Variants in LSAMP observed in about 807,000 individuals in gnomAD.
LSAMP encodes the protein limbic system-associated membrane protein.
A neutral mutation model predicts 38.6 loss-of-function variants in LSAMP; 7 were observed. That is an observed-to-expected ratio of 0.18 (90% CI 0.10 to 0.34). The LOEUF is 0.34. LSAMP is among the 10% of genes least tolerant of loss of function. LSAMP has a pLI of 1.00. For missense variants in LSAMP, 313 were observed against 420.0 expected (o/e 0.75, Z 2.23); for synonymous variants, 154 against 166.8 (o/e 0.92, Z 0.59).
At chr3:116,268,228 G>C (rs1474779005) in intron 1 of LSAMP, among the ~76,000 whole-genome samples, 1 of 151,598 alleles carries the variant, frequency 6.6e-6, no homozygotes, top group Non-Finnish European at 1.5e-5. Context: ...TGTGTGTGTA[G>C]TAGGCAAGAT....
intron 1 of LSAMP, among the ~76,000 whole-genome samples, chr3:116,425,001 G>GAAA (rs775969635): frequency 7.6e-6 from 1 of 131,544 alleles, no homozygotes; most frequent in African/African-American, 2.8e-5. Flanking sequence ...GTTGAAGAAG[G>GAAA]AAAAAAAAAA....
chr3:116,197,787 G>T (rs901801281), intron 1 of LSAMP, among the ~76,000 whole-genome samples: 2 of 152,176 alleles, frequency 1.3e-5, no homozygotes, highest in African/African-American at 4.8e-5. Context: ...ACTGGTATGA[G>T]ATCCGATCCT....
rs1328756706 is a variant in LSAMP at position 115,804,751 on chromosome 3, A to G, written c.*5566T>C. ...ATATTGTAGGAATGATATATATGTCATCCTGTTACACGTGTCAGGCACTTC... is the reference window on the plus strand; with the variant it reads ...ATATTGTAGGAATGATATATATGTCGTCCTGTTACACGTGTCAGGCACTTC... On this transcript the variant is annotated 3_prime_UTR_variant, in exon 7 of 7. Transcript: ENST00000490035. 2 of 152,146 alleles carry G rather than the reference A, an allele frequency of 1.3e-5. No individual in the cohort carries two copies. Among genetic ancestry groups the G allele is most frequent in the Non-Finnish European group, 2.9e-5 (2 of 68,038 alleles). 9.4% of individuals were successfully genotyped at this position (152,146 alleles called of 1,614,324 possible). A position where few individuals can be genotyped will look rare whatever the true frequency, so the allele number is the denominator to read the frequency against.
At chr3:116,332,033 G>A (rs2047859758) in intron 1 of LSAMP, among the ~76,000 whole-genome samples, 1 of 151,934 alleles carries the variant, frequency 6.6e-6, no homozygotes, top group Admixed American at 6.6e-5. Flanking sequence ...TACAGATGGT[G>A]TCTCGGTAAG....
At chr3:116,314,671 T>G (rs2047604683) in intron 1 of LSAMP, among the ~76,000 whole-genome samples, 2 of 152,182 alleles carry the variant, frequency 1.3e-5, no homozygotes, top group African/African-American at 4.8e-5. Flanking sequence ...ATGTTTTACT[T>G]AGAGCTCCCC....
intron 1 of LSAMP, among the ~76,000 whole-genome samples, chr3:116,290,635 C>T (rs969245029): frequency 2.0e-5 from 3 of 151,742 alleles, no homozygotes; most frequent in East Asian, 1.9e-4. Flanking sequence ...GAGGCTGAGG[C>T]AGGAGAATCC....
At chr3:116,420,123 A>T (rs1263465390) in intron 1 of LSAMP, among the ~76,000 whole-genome samples, 9 of 151,376 alleles carry the variant, frequency 5.9e-5, no homozygotes, top group African/African-American at 1.9e-4. Context: ...TTCAAGAGAA[A>T]GTCTTGCTCT....
At chr3:115,896,327 AAAT>A (rs760260807) in intron 3 of LSAMP, among the ~76,000 whole-genome samples, 2 of 152,118 alleles carry the variant, frequency 1.3e-5, no homozygotes, top group Non-Finnish European at 2.9e-5. Flanking sequence ...TTAGCTGTTA[AAAT>A]AGTTTGCCAC....
intron 3 of LSAMP, among the ~76,000 whole-genome samples, chr3:115,978,888 C>A (rs1939270239): frequency 6.6e-6 from 1 of 151,892 alleles, no homozygotes; most frequent in Non-Finnish European, 1.5e-5. Context: ...GCAGTGATAG[C>A]CAACTTTAAT....
chr3:116,325,660 T>C (rs1380124314), intron 1 of LSAMP, among the ~76,000 whole-genome samples: 1 of 152,202 alleles, frequency 6.6e-6, no homozygotes, highest in Non-Finnish European at 1.5e-5. Context: ...CCTCAGTTTT[T>C]TCTGCCCTGA....
At chr3:116,303,042 TTTAA>T (rs1287453581) in intron 1 of LSAMP, among the ~76,000 whole-genome samples, 2 of 152,192 alleles carry the variant, frequency 1.3e-5, no homozygotes, top group African/African-American at 2.4e-5. Flanking sequence ...GTATTTTTAT[TTTAA>T]TTAATTTTTT....
rs1553712533 is a variant in LSAMP at position 116,197,163 on chromosome 3, ACT to A, written c.156-110609_156-110608del. Among the ~76,000 whole-genome samples the A allele has an allele frequency of 4.5e-4, 63 of 139,172 alleles. 1 individual carries two copies. The highest frequency in any genetic ancestry group is 9.5e-4 in the South Asian group (4 of 4,192). 91.3% of individuals were successfully genotyped at this position (139,172 alleles called of 152,430 possible). A position where few individuals can be genotyped will look rare whatever the true frequency, so the allele number is the denominator to read the frequency against. Reference sequence around the variant, plus strand: ...CACACACACACACACACACACACACACTCTCTCTCTCTCTCACTCACTTTGTC... The same window carrying A: ...CACACACACACACACACACACACACACTCTCTCTCTCTCACTCACTTTGTC... On this transcript the variant is annotated intron_variant, in intron 1 of 6. Coordinates refer to ENST00000490035, the MANE Select transcript of LSAMP (RefSeq NM_002338.5).
In LSAMP at chr3:116,258,958, C is replaced by A. The variant is rs559925191; in HGVS notation, c.156-172402G>T. Among the ~76,000 whole-genome samples, 16 of 152,198 alleles carry A rather than the reference C, an allele frequency of 1.1e-4. No individual in the cohort carries two copies. The East Asian group carries it at 2.5e-3, about 24-fold the overall frequency. On this transcript the variant is annotated intron_variant, in intron 1 of 6. Transcript: ENST00000490035. The stretch of plus-strand genomic sequence containing the variant: ...CATTAAAAATACGTTTTAAAGAGAA[C>A]CCCTACACATAAATGTACACATTCT...
chr3:116,113,747 C>T (rs1050328476), intron 1 of LSAMP, among the ~76,000 whole-genome samples: 3 of 152,124 alleles, frequency 2.0e-5, no homozygotes, highest in Non-Finnish European at 2.9e-5. Flanking sequence ...TTTTATGATA[C>T]TTGTTACACA....
chr3:116,146,117 T>A (rs893414604), intron 1 of LSAMP, among the ~76,000 whole-genome samples: 4 of 151,888 alleles, frequency 2.6e-5, no homozygotes, highest in Admixed American at 6.6e-5. Context: ...TAGCAAAAGT[T>A]TCATGGCTCC....
chr3:116,234,981 A>G (rs1197780712), intron 1 of LSAMP, among the ~76,000 whole-genome samples: 1 of 152,136 alleles, frequency 6.6e-6, no homozygotes, highest in African/African-American at 2.4e-5. Context: ...TTAAATCAGT[A>G]TCTACCAGTT....
intron 1 of LSAMP, among the ~76,000 whole-genome samples, chr3:116,366,113 G>A (rs113581045): frequency 0.12 from 17,769 of 145,500 alleles, 1,533 homozygotes; most frequent in African/African-American, 0.25. Flanking sequence ...AATTTTTGCA[G>A]TCTATCCATC....
At chr3:116,070,031 G>A (rs1317470294) in intron 2 of LSAMP, among the ~76,000 whole-genome samples, 2 of 152,130 alleles carry the variant, frequency 1.3e-5, no homozygotes, top group African/African-American at 2.4e-5. Context: ...AGGAGATCAA[G>A]TTGACACAAT....
intron 3 of LSAMP, among the ~76,000 whole-genome samples, chr3:115,897,524 A>G (rs1396108927): frequency 6.6e-6 from 1 of 152,130 alleles, no homozygotes; most frequent in Non-Finnish European, 1.5e-5. Flanking sequence ...TGGGGGGAAT[A>G]ACTAATGAAT....
Sources: gnomAD v4.1 joint callset for allele counts (sites outside exome capture counted in the v4.1 genomes callset) on GRCh38, gnomAD v4.1.1 for gene constraint, MANE v1.5 for transcripts, NCBI Gene and HGNC (gene_info 2026-07-23, HGNC 2026-07-21) for gene names.